TMEM132D: variants seen among roughly 807,000 people sequenced by gnomAD.
TMEM132D encodes the protein transmembrane protein 132D, also known as mature OL transmembrane protein.
TMEM132D carries 21 observed loss-of-function variants against 62.3 expected under a neutral mutation model. The ratio of observed to expected loss-of-function variants is 0.34; its 90% CI spans 0.24 to 0.49. The LOEUF is 0.49. Among genes scored for constraint, TMEM132D ranks in the 20% least tolerant of loss-of-function variants. The probability of loss-of-function intolerance (pLI) is 0.99; values close to 1 mark genes in which losing one functional copy is unlikely to be tolerated. For missense variants in TMEM132D, 1,346 were observed against 1,402.8 expected (o/e 0.96, Z 0.65); for synonymous variants, 621 against 575.6 (o/e 1.08, Z -1.13).
intron 1 of TMEM132D, chr12:129,840,169 G>C (rs990780270): frequency 3.9e-5 from 6 of 152,210 alleles, no homozygotes; most frequent in African/African-American, 1.4e-4. Context: ...CACACACCCT[G>C]GGTGAGAGAC....
chr12:129,136,897 C>G (rs937778428), intron 5 of TMEM132D, among the ~76,000 whole-genome samples: 1 of 150,876 alleles, frequency 6.6e-6, no homozygotes, highest in African/African-American at 2.4e-5. Context: ...TCACCACCAT[C>G]ATCACCATCA....
At chr12:129,651,966 G>A (rs577051469) in intron 2 of TMEM132D, among the ~76,000 whole-genome samples, 2 of 152,258 alleles carry the variant, frequency 1.3e-5, no homozygotes, top group Non-Finnish European at 2.9e-5. Context: ...CTTAGAAGAC[G>A]CCTAGAAGGT....
chr12:129,099,601 C>T (rs780581763), intron 5 of TMEM132D, among the ~76,000 whole-genome samples: 3 of 152,230 alleles, frequency 2.0e-5, no homozygotes, highest in Non-Finnish European at 4.4e-5. Flanking sequence ...GCTGTTCACA[C>T]GGGTGGCCGT....
rs778239460 is a variant in TMEM132D at position 129,308,925 on chromosome 12, G to A, written c.1299+28709C>T. 1.3e-4 allele frequency among the ~76,000 whole-genome samples: 20 copies of A among 152,298 alleles called. 1 individual carries two copies. The highest frequency in any genetic ancestry group is 8.8e-5 in the Non-Finnish European group (6 of 68,010). On this transcript the variant is annotated intron_variant, in intron 4 of 8. Coordinates refer to ENST00000422113, the MANE Select transcript of TMEM132D (RefSeq NM_133448.3). ...TGGATGTTAAATGACTGGAAGAGGAGCAAGTAACTATAGCTTTTAGTCTAA... is the reference window on the plus strand; with the variant it reads ...TGGATGTTAAATGACTGGAAGAGGAACAAGTAACTATAGCTTTTAGTCTAA...
intron 3 of TMEM132D, among the ~76,000 whole-genome samples, chr12:129,374,013 A>G (rs563868197): frequency 2.5e-4 from 38 of 152,246 alleles, no homozygotes; most frequent in Non-Finnish European, 5.0e-4. Context: ...AACATAATAC[A>G]TAAATGAAAG....
chr12:129,618,283 A>C (rs1237492691), intron 2 of TMEM132D, among the ~76,000 whole-genome samples: 3 of 152,218 alleles, frequency 2.0e-5, no homozygotes, highest in Non-Finnish European at 4.4e-5. Context: ...AAATCATAAT[A>C]TCTAAAATCA....
At position 129,371,513 on chromosome 12, in the gene TMEM132D, T is replaced by C. The variant is rs1327827876; in HGVS notation, c.1116-33696A>G. On this transcript the variant is annotated intron_variant, in intron 3 of 8. Transcript: ENST00000422113. This position sits in a 1 kb window ranked among gnomAD's most constrained non-coding sequence, Gnocchi z 4.3. ...ATAAAGATGACAGTGGCAATGATAA[T>C]GGTGGTGATTATGATGATGATTATG... Among the ~76,000 whole-genome samples the C allele has an allele frequency of 6.6e-6, 1 of 151,814 alleles. No homozygotes were observed. Among genetic ancestry groups the C allele is most frequent in the Admixed American group, 6.6e-5 (1 of 15,218 alleles).
chr12:129,126,595 C>T (rs1028198547), intron 5 of TMEM132D, among the ~76,000 whole-genome samples: 5 of 152,034 alleles, frequency 3.3e-5, no homozygotes, highest in Non-Finnish European at 7.4e-5. Flanking sequence ...TATGCCTGTG[C>T]CATCAGGGTG....
At chr12:129,275,147 G>C (rs1438287717) in intron 4 of TMEM132D, among the ~76,000 whole-genome samples, 1 of 151,960 alleles carries the variant, frequency 6.6e-6, no homozygotes, top group African/African-American at 2.4e-5. Flanking sequence ...AGGTGTCGTG[G>C]CACACAGCTG....
At chr12:129,143,919 A>G (rs4964871) in intron 5 of TMEM132D, among the ~76,000 whole-genome samples, 90,191 of 149,532 alleles carry the variant, frequency 0.6, 28,166 homozygotes, top group Non-Finnish European at 0.69. Flanking sequence ...AGAGGACCAC[A>G]ATGACCCTGC....
chr12:129,138,158 ACC>A (rs1876640523), intron 5 of TMEM132D, among the ~76,000 whole-genome samples: 2 of 152,208 alleles, frequency 1.3e-5, no homozygotes, highest in African/African-American at 2.4e-5. Flanking sequence ...CTGTTAGATC[ACC>A]TTACCATTGC....
At chr12:129,567,026 G>T (rs1399331110) in intron 2 of TMEM132D, among the ~76,000 whole-genome samples, 2 of 152,154 alleles carry the variant, frequency 1.3e-5, no homozygotes, top group South Asian at 4.1e-4. Context: ...TCCCTAAAAC[G>T]TATAAAACCA....
At chr12:129,670,710 C>T (rs264495) in intron 2 of TMEM132D, among the ~76,000 whole-genome samples, 53,642 of 152,040 alleles carry the variant, frequency 0.35, 9,872 homozygotes, top group Middle Eastern at 0.41. Context: ...TTTCAATCCC[C>T]CTGTCTTGAT....
Position 129,323,139 on chromosome 12 carries a change from A to G in TMEM132D, c.1299+14495T>C, listed in dbSNP as rs185552273. Among the ~76,000 whole-genome samples the G allele has an allele frequency of 9.8e-4, 149 of 152,328 alleles. 1 individual carries two copies. Among genetic ancestry groups the G allele is most frequent in the Non-Finnish European group, 1.0e-3 (70 of 68,032 alleles). On this transcript the variant is annotated intron_variant, in intron 4 of 8. Coordinates refer to ENST00000422113, the MANE Select transcript of TMEM132D (RefSeq NM_133448.3). Reference sequence around the variant, plus strand: ...ACCATATCCCTTAGGTAGTAATTTTAAAGAATTCTACTGCAGGGAGGCCTT... The same window carrying G: ...ACCATATCCCTTAGGTAGTAATTTTGAAGAATTCTACTGCAGGGAGGCCTT...
At chr12:129,122,029 C>T (rs1022493523) in intron 5 of TMEM132D, among the ~76,000 whole-genome samples, 9 of 152,134 alleles carry the variant, frequency 5.9e-5, no homozygotes, top group African/African-American at 1.9e-4. Flanking sequence ...CCTGTTCTTC[C>T]GAGGCAGCCC....
chr12:129,675,787 C>A (rs1478513582), intron 2 of TMEM132D, among the ~76,000 whole-genome samples: 3 of 152,162 alleles, frequency 2.0e-5, no homozygotes, highest in African/African-American at 7.2e-5. Context: ...CACACACAGA[C>A]ACAACCAGGA....
intron 3 of TMEM132D, among the ~76,000 whole-genome samples, chr12:129,507,809 G>T (rs80246152): frequency 5.1e-4 from 77 of 152,214 alleles, no homozygotes; most frequent in Non-Finnish European, 9.3e-4. Context: ...CACCACTAAA[G>T]AACTTACTCA....
intron 2 of TMEM132D, among the ~76,000 whole-genome samples, chr12:129,694,363 A>C (rs1482013597): frequency 6.6e-6 from 1 of 152,244 alleles, no homozygotes; most frequent in Non-Finnish European, 1.5e-5. Context: ...AGTAAGTCTC[A>C]AAATGGTCAA....
chr12:129,580,540 C>T (rs1327973866), intron 2 of TMEM132D, among the ~76,000 whole-genome samples: 1 of 151,956 alleles, frequency 6.6e-6, no homozygotes, highest in Non-Finnish European at 1.5e-5. Context: ...ACTGAGATCC[C>T]TTTAAAAATC....
Sources: gnomAD v4.1 joint callset for allele counts (sites outside exome capture counted in the v4.1 genomes callset) on GRCh38, gnomAD v4.1.1 for gene constraint, Gnocchi (gnomAD v3.1) non-coding constraint, MANE v1.5 for transcripts, NCBI Gene and HGNC (gene_info 2026-07-23, HGNC 2026-07-21) for gene names.